The following ZNF564 variants were observed in gnomAD, a reference collection of about 807,000 sequenced individuals.
ZNF564 encodes zinc finger protein 564.
ZNF564 carries 5 observed loss-of-function variants against 10.5 expected under a neutral mutation model. The ratio of observed to expected loss-of-function variants is 0.48; its 90% confidence interval spans 0.25 to 1.00. The LOEUF is 1.00. ZNF564 is among the 50% of genes least tolerant of loss of function. The pLI is 0.16. For missense variants in ZNF564, 603 were observed against 669.7 expected, an observed-to-expected ratio of 0.90 and a Z score of 1.10; for synonymous variants, 242 against 218.1, an observed-to-expected ratio of 1.11 and a Z score of -0.97.
Position 12,526,535 on chromosome 19 carries a change from T to C in ZNF564, c.1573A>G (p.Arg525Gly), listed in dbSNP as rs1185872271. Residue 525 changes from arginine to glycine, a missense_variant, in exon 4 of 4, where the codon AGA (arginine) becomes GGA (glycine). By Grantham distance (125) the Arg-to-Gly change is moderately radical. Coordinates refer to ENST00000339282, the MANE Select transcript of ZNF564 (RefSeq NM_144976.4). ...SYSSSFQRHE[R>G]AHNGDKPYVK... Reference sequence around the variant, plus strand: ...TAAGGTTTATCTCCATTATGAGCTCTTTCATGTCTTTGAAAGGAACTGGAA... The same window carrying C: ...TAAGGTTTATCTCCATTATGAGCTCCTTCATGTCTTTGAAAGGAACTGGAA... The C allele has an allele frequency of 6.2e-7, 1 of 1,613,870 alleles. No individual in the cohort carries two copies. The highest frequency in any genetic ancestry group is 1.7e-5 in the Admixed American group (1 of 59,962).
intron 1 of ZNF564, among the ~76,000 whole-genome samples, chr19:12,546,661 G>C (rs2022160738): frequency 6.6e-6 from 1 of 152,152 alleles, no homozygotes; most frequent in African/African-American, 2.4e-5. Context: ...AACCCAGGAG[G>C]TGGAGCTTGC....
rs999465042 is a variant in ZNF564 at position 12,528,454 on chromosome 19, C to T, written c.131-90G>A. On this transcript the variant is annotated intron_variant, in intron 2 of 3. Transcript: ENST00000339282. ...AAGTTCATGATAAGGTGCAAACAACCCTGATTTATTCACCCAAGTATTCCC... is the reference window on the plus strand; with the variant it reads ...AAGTTCATGATAAGGTGCAAACAACTCTGATTTATTCACCCAAGTATTCCC... The T allele has an allele frequency of 3.2e-6, 5 of 1,574,174 alleles. No homozygotes were observed. In the East Asian group the frequency reaches 1.1e-4, roughly 35 times the overall value.
intron 1 of ZNF564, among the ~76,000 whole-genome samples, chr19:12,539,654 C>CAA (rs1568265129): frequency 6.9e-6 from 1 of 145,560 alleles, no homozygotes; most frequent in African/African-American, 2.5e-5. Flanking sequence ...GGCGACAGAG[C>CAA]GACAATTCCT....
chr19:12,535,047 TC>T (rs2021882578), intron 1 of ZNF564, among the ~76,000 whole-genome samples: 1 of 151,968 alleles, frequency 6.6e-6, no homozygotes, highest in African/African-American at 2.4e-5. Context: ...AAAGAAGATA[TC>T]AAGCCATGAT....
chr19:12,532,331 T>A (rs2901946), intron 1 of ZNF564, among the ~76,000 whole-genome samples: 1 of 149,750 alleles, frequency 6.7e-6, no homozygotes, highest in Non-Finnish European at 1.5e-5. Context: ...GTCAGGAGAT[T>A]GAGACCATCC....
intron 1 of ZNF564, 124 bp from the exon 2 acceptor site, chr19:12,528,820 T>C (rs894923743): frequency 1.2e-5 from 13 of 1,108,778 alleles, no homozygotes; most frequent in African/African-American, 1.6e-5. Flanking sequence ...TCCCAGCACT[T>C]TGGGAGGCCA....
At chr19:12,545,485 T>C (rs1468535374) in intron 1 of ZNF564, among the ~76,000 whole-genome samples, 3 of 152,074 alleles carry the variant, frequency 2.0e-5, no homozygotes, top group Non-Finnish European at 4.4e-5. Flanking sequence ...AGTTCAGTTC[T>C]GACACCACTC....
At chr19:12,534,350 C>CA (rs1402875399) in intron 1 of ZNF564, among the ~76,000 whole-genome samples, 1 of 152,094 alleles carries the variant, frequency 6.6e-6, no homozygotes, top group African/African-American at 2.4e-5. Context: ...TGGGGAATTA[C>CA]AAATTTAAAA....
At chr19:12,539,746 T>G (rs983341388) in intron 1 of ZNF564, among the ~76,000 whole-genome samples, 1 of 148,046 alleles carries the variant, frequency 6.8e-6, no homozygotes, top group African/African-American at 2.5e-5. Flanking sequence ...GAGGCTGAGG[T>G]GGGCGGATCA....
intron 1 of ZNF564, among the ~76,000 whole-genome samples, chr19:12,545,347 TTCACGGTCTCGATTC>T: frequency 6.6e-6 from 1 of 151,904 alleles, no homozygotes; most frequent in Non-Finnish European, 1.5e-5. Context: ...CATGATGTGA[TTCACGGTCTCGATTC>T]TCACCAGTGA....
At chr19:12,549,706 G>T (rs1489972827) in intron 1 of ZNF564, among the ~76,000 whole-genome samples, 1 of 152,058 alleles carries the variant, frequency 6.6e-6, no homozygotes, top group Non-Finnish European at 1.5e-5. Flanking sequence ...AGGGGATACC[G>T]GGAGACTCCT....
intron 1 of ZNF564, among the ~76,000 whole-genome samples, chr19:12,549,200 T>C (rs1016866745): frequency 6.6e-6 from 1 of 152,322 alleles, no homozygotes; most frequent in Middle Eastern, 3.4e-3. Flanking sequence ...ACACTTTATC[T>C]TGTCTTTCAA....
At chr19:12,543,815 C>T (rs1337064707) in intron 1 of ZNF564, among the ~76,000 whole-genome samples, 2 of 151,836 alleles carry the variant, frequency 1.3e-5, no homozygotes. Context: ...GAAATTCTAA[C>T]TCCTAATGTC....
chr19:12,545,503 GGACA>G (rs2022134726), intron 1 of ZNF564, among the ~76,000 whole-genome samples: 1 of 152,080 alleles, frequency 6.6e-6, no homozygotes, highest in South Asian at 2.1e-4. Flanking sequence ...CTCAGAATTA[GGACA>G]GACCTACAAG....
intron 1 of ZNF564, among the ~76,000 whole-genome samples, chr19:12,536,456 C>T (rs948285884): frequency 6.6e-6 from 1 of 152,122 alleles, no homozygotes; most frequent in Admixed American, 6.6e-5. Flanking sequence ...ACATGGCAGG[C>T]GTAAGCCACC....
intron 1 of ZNF564, among the ~76,000 whole-genome samples, chr19:12,539,980 CAAA>C (rs570899452): frequency 4.7e-5 from 4 of 85,484 alleles, no homozygotes; most frequent in Non-Finnish European, 2.4e-5. Context: ...GACTCCGTCT[CAAA>C]AAAAAAAAAA....
intron 1 of ZNF564, among the ~76,000 whole-genome samples, chr19:12,538,639 A>T (rs965488784): frequency 1.3e-5 from 2 of 151,702 alleles, no homozygotes; most frequent in African/African-American, 4.8e-5. Flanking sequence ...AAATAAATAA[A>T]TAAAAAATAA....
At chr19:12,546,940 C>T (rs1373114253) in intron 1 of ZNF564, among the ~76,000 whole-genome samples, 1 of 152,108 alleles carries the variant, frequency 6.6e-6, no homozygotes, top group Non-Finnish European at 1.5e-5. Flanking sequence ...CTTTATAAAC[C>T]ATCCTAAAAA....
At chr19:12,545,900 C>T (rs1196552555) in intron 1 of ZNF564, among the ~76,000 whole-genome samples, 1 of 152,180 alleles carries the variant, frequency 6.6e-6, no homozygotes, top group African/African-American at 2.4e-5. Context: ...GAGCTTAAAG[C>T]AACAACCCTC....
Sources: allele counts gnomAD v4.1 joint callset (sites outside exome capture counted in the v4.1 genomes callset), GRCh38; gene constraint gnomAD v4.1.1; transcripts MANE v1.5; gene names NCBI Gene and HGNC (gene_info 2026-07-23, HGNC 2026-07-21).